The following FGD3 variants were observed in gnomAD, a reference collection of about 807,000 sequenced individuals.
FGD3 encodes FYVE, RhoGEF and PH domain-containing protein 3.
FGD3 carries 45 observed loss-of-function variants against 71.8 expected under a neutral mutation model. The observed-to-expected ratio is 0.63, with a 90% CI of 0.49 to 0.80. FGD3 has a LOEUF of 0.80. Among genes scored for constraint, FGD3 ranks in the 30% least tolerant of loss-of-function variants. The probability of loss-of-function intolerance (pLI) is 0.00; values close to 1 mark genes in which losing one functional copy is unlikely to be tolerated. For synonymous variants in FGD3, 378 were observed against 392.8 expected, an observed-to-expected ratio of 0.96 and a Z score of 0.44; for missense variants, 844 against 951.5, an observed-to-expected ratio of 0.89 and a Z score of 1.49.
intron 3 of FGD3, among the ~76,000 whole-genome samples, chr9:93,001,911 G>GT (rs1860870122): frequency 6.6e-6 from 1 of 152,112 alleles, no homozygotes; most frequent in African/African-American, 2.4e-5. Context: ...AAGTTCATGG[G>GT]TTTGCTCTCT....
At chr9:93,017,864 G>C (rs904386532) in intron 10 of FGD3, among the ~76,000 whole-genome samples, 6 of 152,144 alleles carry the variant, frequency 3.9e-5, no homozygotes, top group Middle Eastern at 3.2e-3. Flanking sequence ...TGGGTGTCGG[G>C]GGGGTGGGTT....
intron 6 of FGD3, among the ~76,000 whole-genome samples, chr9:93,008,303 A>G (rs1156675134): frequency 6.6e-6 from 1 of 152,164 alleles, no homozygotes; most frequent in Non-Finnish European, 1.5e-5. Flanking sequence ...TCCTGGTGCT[A>G]TCTACTCCGC....
chr9:93,004,143 T>C lies in FGD3; in HGVS notation c.680+6T>C. 6.2e-7 allele frequency: 1 copy of C among 1,613,364 alleles called. No homozygotes were observed. ...ACGCGGATCACGGAGGAGTGGTGAG[T>C]ACCATCTGCGCATGCCCATGGGGCC... is the stretch of plus-strand genomic sequence containing the variant. On this transcript the variant is annotated splice_donor_region_variant and intron_variant, in intron 5 of 17. Transcript: ENST00000375482.
At chr9:92,997,799 C>T (rs1012719658) in intron 3 of FGD3, among the ~76,000 whole-genome samples, 6 of 152,190 alleles carry the variant, frequency 3.9e-5, no homozygotes, top group African/African-American at 1.2e-4. Context: ...TATTGGCCCC[C>T]ACTCTCTTCT....
chr9:92,985,056 T>C lies in FGD3; in HGVS notation c.453+8347T>C, dbSNP rs56063226. On this transcript the variant is annotated intron_variant, in intron 3 of 17. Coordinates refer to ENST00000375482, the MANE Select transcript of FGD3 (RefSeq NM_001083536.2). The stretch of plus-strand genomic sequence containing the variant: ...AAGGCCATCAGGGGTTGGGATTCTG[T>C]CCTGGGGGCCCTTCAGCCTTCAAAG... Among the ~76,000 whole-genome samples, 1,098 of 152,342 alleles carry C rather than the reference T, an allele frequency of 7.2e-3. 12 individuals carry two copies. The highest frequency in any genetic ancestry group is 0.022 in the African/African-American group (931 of 41,582).
At chr9:93,010,764 C>T (rs985812309) in intron 7 of FGD3, among the ~76,000 whole-genome samples, 1 of 151,360 alleles carries the variant, frequency 6.6e-6, no homozygotes, top group African/African-American at 2.4e-5. Context: ...AGCCCCCTAG[C>T]AGCCCAGGAA....
At chr9:92,961,532 C>G (rs747118863) in intron 1 of FGD3, among the ~76,000 whole-genome samples, 2 of 152,188 alleles carry the variant, frequency 1.3e-5, no homozygotes, top group Non-Finnish European at 2.9e-5. Flanking sequence ...GTGGGCTGAT[C>G]CCACCATTCC....
chr9:92,976,919 C>T (rs1859784299), intron 3 of FGD3, among the ~76,000 whole-genome samples: 1 of 152,152 alleles, frequency 6.6e-6, no homozygotes, highest in African/African-American at 2.4e-5. Context: ...CCACCTGACA[C>T]CTTGAGCAGT....
chr9:93,031,279 T>C, intron 15 of FGD3, among the ~76,000 whole-genome samples: 1 of 152,206 alleles, frequency 6.6e-6, no homozygotes, highest in Non-Finnish European at 1.5e-5. Context: ...AATCTGTTGC[T>C]TTAAGAGCCA....
intron 10 of FGD3, among the ~76,000 whole-genome samples, chr9:93,016,054 C>T (rs978330413): frequency 8.5e-5 from 13 of 152,222 alleles, no homozygotes; most frequent in African/African-American, 1.7e-4. Context: ...CCACCTGCCA[C>T]GTTGCTGCCA....
intron 3 of FGD3, among the ~76,000 whole-genome samples, chr9:92,988,337 G>T (rs1860267832): frequency 6.6e-6 from 1 of 152,202 alleles, no homozygotes; most frequent in Admixed American, 6.5e-5. Context: ...TCCATTGTGG[G>T]CATGCCCAGG....
At chr9:93,013,817 A>C in intron 8 of FGD3, 35 bp from the exon 9 acceptor site, 1 of 1,609,794 alleles carries the variant, frequency 6.2e-7, no homozygotes. Context: ...CCACTCTCAC[A>C]GACCTTTGGT....
intron 8 of FGD3, among the ~76,000 whole-genome samples, 168 bp from the exon 9 acceptor site, chr9:93,013,684 C>T (rs1861535896): frequency 6.6e-6 from 1 of 152,212 alleles, no homozygotes; most frequent in Non-Finnish European, 1.5e-5. Flanking sequence ...TCCTATTCAT[C>T]CTTCAATACC....
intron 1 of FGD3, among the ~76,000 whole-genome samples, chr9:92,953,427 G>C (rs1858993036): frequency 6.6e-6 from 1 of 152,204 alleles, no homozygotes; most frequent in African/African-American, 2.4e-5. Context: ...AGCTGGGCTT[G>C]CCTCTCCACT....
chr9:92,997,552 C>T (rs1860695146), intron 3 of FGD3, among the ~76,000 whole-genome samples: 1 of 152,176 alleles, frequency 6.6e-6, no homozygotes, highest in Non-Finnish European at 1.5e-5. Flanking sequence ...TTAGTTGATG[C>T]AGTTTCTTCC....
rs116771226 is a variant in FGD3 at position 92,989,680 on chromosome 9, G to C, written c.453+12971G>C. 1.7e-3 allele frequency among the ~76,000 whole-genome samples: 257 copies of C among 152,282 alleles called. 5 individuals are homozygous for C. The East Asian group carries it at 0.042, about 25-fold the overall frequency. ...CACATGTTGCAAGAGAAAAGGAGCC[G>C]GTAGGCGAATAGTCAATTATGTATT... On this transcript the variant is annotated intron_variant, in intron 3 of 17. Transcript: ENST00000375482.
chr9:92,960,899 G>A (rs192582769), intron 1 of FGD3, among the ~76,000 whole-genome samples: 2 of 152,034 alleles, frequency 1.3e-5, no homozygotes, highest in African/African-American at 2.4e-5. Context: ...CCTGGTGGGT[G>A]GGCCCTCCAC....
chr9:92,974,274 C>G (rs1031270093), intron 1 of FGD3, among the ~76,000 whole-genome samples: 2 of 152,178 alleles, frequency 1.3e-5, no homozygotes, highest in African/African-American at 2.4e-5. Context: ...TATTGCTCTG[C>G]CATGTTTGAC....
At chr9:93,030,729 GA>G (rs1264196084) in intron 15 of FGD3, among the ~76,000 whole-genome samples, 10 of 135,474 alleles carry the variant, frequency 7.4e-5, no homozygotes, top group South Asian at 2.9e-4. Context: ...AGGGGGGGGG[GA>G]ATAAGTAGAT....
Sources: gnomAD v4.1 joint callset for allele counts (sites outside exome capture counted in the v4.1 genomes callset) on GRCh38, gnomAD v4.1.1 for gene constraint, MANE v1.5 for transcripts, NCBI Gene and HGNC (gene_info 2026-07-23, HGNC 2026-07-21) for gene names.